The following ERICH1 variants were observed in gnomAD, a reference collection of about 807,000 sequenced individuals.
ERICH1 encodes the protein glutamate-rich protein 1.
ERICH1 carries 56 observed loss-of-function variants against 39.6 expected under a neutral mutation model. The observed-to-expected ratio is 1.41, with a 90% CI of 1.14 to 1.77. ERICH1 has a LOEUF of 1.77. Ranked by LOEUF, ERICH1 falls within the 40% of genes most tolerant of loss-of-function variation. The pLI is 0.00. For synonymous variants in ERICH1, 313 were observed against 223.6 expected (o/e 1.40, Z -3.57); for missense variants, 826 against 575.4 (o/e 1.44, Z -4.45).
rs138593300 is a variant in ERICH1 at position 693,029 on chromosome 8, G to A, written c.170-417C>T. Among the ~76,000 whole-genome samples the A allele has an allele frequency of 6.7e-3, 1,017 of 152,112 alleles. 8 individuals carry two copies. The highest frequency in any genetic ancestry group is 0.023 in the African/African-American group (973 of 41,476). On this transcript the variant is annotated intron_variant, in intron 2 of 5. Transcript: ENST00000262109. ...GACTTCTGGGTCTTTTTCTCCACACGTGCTAACAACATGTGTACACTGTGG... is the reference window on the plus strand; with the variant it reads ...GACTTCTGGGTCTTTTTCTCCACACATGCTAACAACATGTGTACACTGTGG...
chr8:616,606 A>T (rs533512683), intron 3 of ERICH1: 4 of 455,338 alleles, frequency 8.8e-6, no homozygotes, highest in East Asian at 7.0e-5. Context: ...AGAGAGAATA[A>T]GAGTGAGTGG....
chr8:670,622 A>G (rs1054923632), intron 4 of ERICH1, among the ~76,000 whole-genome samples: 3 of 152,166 alleles, frequency 2.0e-5, no homozygotes, highest in Non-Finnish European at 2.9e-5. Context: ...CAGCACCTCA[A>G]GATGGCCAAG....
chr8:624,929 T>A (rs1244967166), intron 3 of ERICH1, among the ~76,000 whole-genome samples: 1 of 152,178 alleles, frequency 6.6e-6, no homozygotes, highest in East Asian at 1.9e-4. Context: ...GGTTTCACCG[T>A]GTTAGCCAGG....
chr8:649,707 G>A (rs1032156123), intron 3 of ERICH1, among the ~76,000 whole-genome samples: 5 of 152,190 alleles, frequency 3.3e-5, no homozygotes, highest in African/African-American at 1.2e-4. Context: ...GCTGGAAGAC[G>A]GGGCTCCAAG....
chr8:643,242 G>T (rs966371908), intron 3 of ERICH1, among the ~76,000 whole-genome samples: 3 of 152,250 alleles, frequency 2.0e-5, no homozygotes, highest in African/African-American at 7.2e-5. Context: ...ATGAGACGAT[G>T]ACCTAGTAAT....
intron 4 of ERICH1, among the ~76,000 whole-genome samples, chr8:672,550 G>T (rs1803675560): frequency 6.6e-6 from 1 of 152,060 alleles, no homozygotes; most frequent in African/African-American, 2.4e-5. Flanking sequence ...GAACCTGCTG[G>T]TAACGTCATT....
chr8:689,187 C>A (rs1043388535), intron 3 of ERICH1, among the ~76,000 whole-genome samples: 4 of 152,192 alleles, frequency 2.6e-5, no homozygotes, highest in African/African-American at 9.7e-5. Flanking sequence ...TCTCGGCTCA[C>A]CACGGCCTCC....
At chr8:638,234 A>G (rs1484501813) in intron 3 of ERICH1, among the ~76,000 whole-genome samples, 1 of 152,208 alleles carries the variant, frequency 6.6e-6, no homozygotes, top group Non-Finnish European at 1.5e-5. Context: ...CTGTGATTTC[A>G]GAGCCTCCCA....
intron 3 of ERICH1, among the ~76,000 whole-genome samples, chr8:684,583 C>T (rs537139159): frequency 1.3e-5 from 2 of 152,256 alleles, no homozygotes; most frequent in African/African-American, 4.8e-5. Context: ...GGCTCTGAAG[C>T]CTGCAGCTTA....
intron 3 of ERICH1, among the ~76,000 whole-genome samples, chr8:654,974 G>T (rs1478045422): frequency 6.6e-6 from 1 of 152,250 alleles, no homozygotes; most frequent in African/African-American, 2.4e-5. Context: ...GCCCCCTGGG[G>T]AGTTGCGCCC....
intron 3 of ERICH1, among the ~76,000 whole-genome samples, chr8:651,226 G>T (rs1703910): frequency 0.39 from 58,850 of 152,124 alleles, 11,623 homozygotes; most frequent in Middle Eastern, 0.47. Context: ...GTTAGTCCAG[G>T]GTTGGGAAGA....
intron 3 of ERICH1, among the ~76,000 whole-genome samples, chr8:654,967 C>T (rs1324264333): frequency 6.6e-6 from 1 of 152,226 alleles, no homozygotes; most frequent in Non-Finnish European, 1.5e-5. Context: ...GACGCCAGCC[C>T]CCTGGGGAGT....
intron 4 of ERICH1, among the ~76,000 whole-genome samples, chr8:671,276 C>T (rs888596115): frequency 2.7e-5 from 4 of 147,268 alleles, no homozygotes; most frequent in African/African-American, 7.6e-5. Flanking sequence ...GACCACTGAG[C>T]GCGCTGGTCC....
At chr8:616,436 G>A (rs1184200601) in intron 3 of ERICH1, 2 of 438,808 alleles carry the variant, frequency 4.6e-6, no homozygotes, top group Non-Finnish European at 9.2e-6. Context: ...CACACCCCAT[G>A]CTCTCCTGGC....
intron 2 of ERICH1, among the ~76,000 whole-genome samples, chr8:713,057 A>T (rs1441283326): frequency 6.6e-6 from 1 of 152,198 alleles, no homozygotes; most frequent in Admixed American, 6.5e-5. Context: ...CTGGCTTTGG[A>T]CCTTGGCTTG....
chr8:623,291 T>C (rs1333189450), intron 3 of ERICH1, among the ~76,000 whole-genome samples: 1 of 152,140 alleles, frequency 6.6e-6, no homozygotes, highest in Non-Finnish European at 1.5e-5. Flanking sequence ...ACAAAAACCA[T>C]GTGGCTTCCC....
intron 5 of ERICH1, among the ~76,000 whole-genome samples, chr8:665,504 C>G (rs1228090793): frequency 6.6e-6 from 1 of 152,196 alleles, no homozygotes; most frequent in South Asian, 2.1e-4. Flanking sequence ...TCACACTCCC[C>G]CCAGGCAGGC....
intron 4 of ERICH1, among the ~76,000 whole-genome samples, chr8:670,643 G>A (rs181713973): frequency 4.9e-4 from 74 of 152,322 alleles, no homozygotes; most frequent in Admixed American, 1.8e-3. Context: ...AGGCTCCTAT[G>A]TTATTCGGAG....
chr8:654,292 T>C (rs975812052), intron 3 of ERICH1, among the ~76,000 whole-genome samples: 1 of 152,208 alleles, frequency 6.6e-6, no homozygotes, highest in Admixed American at 6.5e-5. Flanking sequence ...GCTAAGTTAA[T>C]TGAGGCCCGT....
Sources: allele counts gnomAD v4.1 joint callset (sites outside exome capture counted in the v4.1 genomes callset), GRCh38; gene constraint gnomAD v4.1.1; transcripts MANE v1.5; gene names NCBI Gene and HGNC (gene_info 2026-07-23, HGNC 2026-07-21).